ANKMY2: variants seen among roughly 807,000 people sequenced by gnomAD.
ANKMY2 encodes the protein ankyrin repeat and MYND domain-containing protein 2.
A neutral mutation model predicts 50.4 loss-of-function variants in ANKMY2; 36 were observed. The ratio of observed to expected loss-of-function variants is 0.71; its 90% CI spans 0.55 to 0.94. The LOEUF (loss-of-function observed/expected upper bound fraction) is 0.94. Ranked by LOEUF, ANKMY2 falls within the 40% of genes least tolerant of loss-of-function variation. The probability of loss-of-function intolerance (pLI) is 0.00; values close to 1 mark genes in which losing one functional copy is unlikely to be tolerated. For missense variants in ANKMY2, 565 were observed against 524.0 expected (o/e 1.08, Z -0.76); for synonymous variants, 187 against 178.8 (o/e 1.05, Z -0.36).
chr7:16,606,853 C>T (rs1781169022), intron 7 of ANKMY2, among the ~76,000 whole-genome samples: 2 of 152,174 alleles, frequency 1.3e-5, no homozygotes, highest in South Asian at 4.1e-4. Context: ...TCTGCTTTCA[C>T]ATGAAAGTGC....
chr7:16,610,582 T>C lies in ANKMY2; in HGVS notation c.713A>G (p.Asp238Gly). Residue 238 changes from aspartate (D) to glycine (G), a missense_variant, in exon 6 of 10, where the codon GAT becomes GGT. Coordinates refer to ENST00000306999, the MANE Select transcript of ANKMY2 (RefSeq NM_020319.3). ...IFQKCINFLK[D>G]GENKLDTLIK... ...CAAGGTGTCCAGTTTATTCTCTCCA[T>C]CTTTTAAGAAGTTAATGCATTTCTG... 1 of 1,613,814 alleles carries C rather than the reference T, an allele frequency of 6.2e-7. No homozygotes were observed. Among genetic ancestry groups the C allele is most frequent in the Non-Finnish European group, 8.5e-7 (1 of 1,179,804 alleles).
intron 4 of ANKMY2, among the ~76,000 whole-genome samples, chr7:16,622,460 T>C (rs1781448718): frequency 6.6e-6 from 1 of 151,980 alleles, no homozygotes; most frequent in Non-Finnish European, 1.5e-5. Context: ...AAATTAAAAC[T>C]CTAGGCTGGT....
chr7:16,623,647 T>A (rs1781472364), intron 4 of ANKMY2, among the ~76,000 whole-genome samples: 1 of 152,186 alleles, frequency 6.6e-6, no homozygotes, highest in African/African-American at 2.4e-5. Flanking sequence ...TCAGCACACA[T>A]GAACTAAAGT....
At position 16,615,840 on chromosome 7, in the gene ANKMY2, A is replaced by G. The variant is rs1781337102; in HGVS notation, c.435T>C (p.Thr145=). 1 of 1,614,182 alleles carries G rather than the reference A, an allele frequency of 6.2e-7. No individual in the cohort carries two copies. The highest frequency in any genetic ancestry group is 1.3e-5 in the African/African-American group (1 of 75,052). ...FFPRERLDYY[T]KPQGLDKEPK... is the part of the protein sequence containing the mutation. ...GCTCTTTATCCAGTCCCTGGGGCTT[A>G]GTGTAATAATCCAGTCTCTCTCGAG... is the stretch of plus-strand genomic sequence containing the variant. The change falls in exon 5 of 10, where the codon ACT becomes ACC. Residue 145 remains threonine (T), a synonymous_variant. Transcript: ENST00000306999.
chr7:16,635,622 T>C (rs1408505741), intron 2 of ANKMY2, among the ~76,000 whole-genome samples: 2 of 152,218 alleles, frequency 1.3e-5, no homozygotes, highest in South Asian at 4.1e-4. Flanking sequence ...ACATGGCCAA[T>C]GGCTACTGTA....
chr7:16,602,522 G>T lies in ANKMY2; in HGVS notation c.1012-13C>A. 1 of 1,605,214 alleles carries T rather than the reference G, an allele frequency of 6.2e-7. No homozygotes were observed. Among genetic ancestry groups the T allele is most frequent in the Non-Finnish European group, 8.5e-7 (1 of 1,177,314 alleles). ...CACAATATATTACCTGAAAGCAATT[G>T]TTGGTTTATTTTCATTTCCAGAGCT... On this transcript the variant is annotated splice_polypyrimidine_tract_variant and intron_variant, in intron 8 of 9. Coordinates refer to ENST00000306999, the MANE Select transcript of ANKMY2 (RefSeq NM_020319.3).
At chr7:16,642,101 T>C (rs1295261834) in intron 1 of ANKMY2, among the ~76,000 whole-genome samples, 2 of 151,928 alleles carry the variant, frequency 1.3e-5, no homozygotes, top group Non-Finnish European at 1.5e-5. Flanking sequence ...ACTTGTTTCA[T>C]AGCTCCTTTA....
intron 4 of ANKMY2, 97 bp downstream of exon 4, chr7:16,624,886 A>C (rs1583678602): frequency 9.8e-7 from 1 of 1,015,236 alleles, no homozygotes; most frequent in Admixed American, 2.1e-5. Context: ...TTTTAAAGCA[A>C]CATGATAATA....
Position 16,620,139 on chromosome 7 carries a change from A to C in ANKMY2, c.371-4235T>G, listed in dbSNP as rs1467123290. Among the ~76,000 whole-genome samples the C allele has an allele frequency of 2.0e-5, 3 of 152,352 alleles. No homozygotes were observed. The East Asian group carries it at 5.8e-4, about 29-fold the overall frequency. ...GTAACCCATTTGAAAAGGTCCTATAACCAAAATCTAAATGAGAACAGAGAT... is the reference window on the plus strand; with the variant it reads ...GTAACCCATTTGAAAAGGTCCTATACCCAAAATCTAAATGAGAACAGAGAT... On this transcript the variant is annotated intron_variant, in intron 4 of 9. Transcript: ENST00000306999.
intron 8 of ANKMY2, 50 bp downstream of exon 8, chr7:16,604,671 G>A: frequency 6.3e-7 from 1 of 1,585,820 alleles, no homozygotes; most frequent in Non-Finnish European, 8.6e-7. Context: ...TCATCAGCTT[G>A]GCTGCATCTA....
chr7:16,643,613 T>C (rs1366122769), intron 1 of ANKMY2, among the ~76,000 whole-genome samples: 2 of 150,508 alleles, frequency 1.3e-5, no homozygotes, highest in African/African-American at 2.5e-5. Flanking sequence ...TTCAGGTTTA[T>C]ATAATCTTCA....
At chr7:16,637,961 C>A (rs1442638801) in intron 1 of ANKMY2, among the ~76,000 whole-genome samples, 1 of 152,198 alleles carries the variant, frequency 6.6e-6, no homozygotes, top group African/African-American at 2.4e-5. Flanking sequence ...AGAGAACAGG[C>A]TGATAATTCT....
chr7:16,615,730 A>AG lies in ANKMY2; in HGVS notation c.531+13dup. ...TATTTACATAAAAAGCAAATACGGT[A>AG]GACACCACACTACCTTGACAGGATG... On this transcript the variant is annotated intron_variant, in intron 5 of 9. Coordinates refer to ENST00000306999, the MANE Select transcript of ANKMY2 (RefSeq NM_020319.3). 6.2e-7 allele frequency: 1 copy of AG among 1,614,096 alleles called. No individual in the cohort carries two copies. Among genetic ancestry groups the AG allele is most frequent in the Non-Finnish European group, 8.5e-7 (1 of 1,180,024 alleles).
At chr7:16,619,826 G>C (rs1264065589) in intron 4 of ANKMY2, among the ~76,000 whole-genome samples, 1 of 152,116 alleles carries the variant, frequency 6.6e-6, no homozygotes, top group African/African-American at 2.4e-5. Context: ...GTGATTAATA[G>C]GAACACACAC....
intron 7 of ANKMY2, 80 bp from the exon 8 acceptor site, chr7:16,604,929 C>T (rs1225689711): frequency 7.3e-7 from 1 of 1,366,642 alleles, no homozygotes; most frequent in East Asian, 2.4e-5. Flanking sequence ...CCCACGGACA[C>T]TGCCGTCCTA....
At chr7:16,621,708 T>G (rs1315462186) in intron 4 of ANKMY2, among the ~76,000 whole-genome samples, 3 of 152,086 alleles carry the variant, frequency 2.0e-5, no homozygotes, top group Non-Finnish European at 4.4e-5. Context: ...GCACAGTGGT[T>G]CATGCCTGTA....
chr7:16,610,807 G>T, intron 5 of ANKMY2, 44 bp from the exon 6 acceptor site: 3 of 1,533,078 alleles, frequency 2.0e-6, no homozygotes, highest in South Asian at 2.3e-5. Flanking sequence ...GGAGACACTT[G>T]TTCATGTACA....
chr7:16,624,235 G>A (rs542888105), intron 4 of ANKMY2, among the ~76,000 whole-genome samples: 1 of 152,162 alleles, frequency 6.6e-6, no homozygotes, highest in South Asian at 2.1e-4. Flanking sequence ...GCCACTTACT[G>A]CACTCCCAAT....
In ANKMY2 at chr7:16,627,189, A is replaced by G; in HGVS notation, c.133-11T>C. On this transcript the variant is annotated splice_polypyrimidine_tract_variant and intron_variant, in intron 2 of 9. Transcript: ENST00000306999. ...AGGAGTCATTCCATTCTTTAATAGA[A>G]AGAGGAAAAAAGTATTAATTTTACT... The G allele has an allele frequency of 1.3e-6, 2 of 1,547,292 alleles. No individual in the cohort carries two copies. Among genetic ancestry groups the G allele is most frequent in the Non-Finnish European group, 1.8e-6 (2 of 1,137,646 alleles).
Sources: allele counts gnomAD v4.1 joint callset (sites outside exome capture counted in the v4.1 genomes callset), GRCh38; gene constraint gnomAD v4.1.1; transcripts MANE v1.5; gene names NCBI Gene and HGNC (gene_info 2026-07-23, HGNC 2026-07-21).